The following STK32B variants were observed in gnomAD, a reference collection of about 807,000 sequenced individuals.
STK32B encodes the protein serine/threonine kinase 32B, also known as serine/threonine-protein kinase 32B.
Under a neutral mutation model 52.6 loss-of-function variants are expected in STK32B, and 43 were observed. That is an observed-to-expected ratio of 0.82 (90% CI 0.64 to 1.05). STK32B has a LOEUF of 1.05. STK32B is among the 50% of genes least tolerant of loss of function. The pLI is 0.00. For missense variants in STK32B, 621 were observed against 534.6 expected (o/e 1.16, Z -1.59); for synonymous variants, 238 against 204.3 (o/e 1.17, Z -1.41).
intron 9 of STK32B, among the ~76,000 whole-genome samples, chr4:5,466,453 C>A (rs1717439976): frequency 6.6e-6 from 1 of 151,968 alleles, no homozygotes; most frequent in Non-Finnish European, 1.5e-5. Flanking sequence ...TAGAAAGGGG[C>A]CTAAGGAAAT....
At chr4:5,212,732 T>C (rs1384838589) in intron 3 of STK32B, among the ~76,000 whole-genome samples, 7 of 152,248 alleles carry the variant, frequency 4.6e-5, no homozygotes, top group African/African-American at 1.7e-4. Context: ...TGACATTTTA[T>C]GTGCATTCAA....
At chr4:5,353,273 T>C (rs951184563) in intron 4 of STK32B, among the ~76,000 whole-genome samples, 7 of 152,072 alleles carry the variant, frequency 4.6e-5, no homozygotes, top group Non-Finnish European at 1.0e-4. Context: ...TAAAGACTTA[T>C]ATGTAAGACA....
At chr4:5,368,177 A>C (rs1577403332) in intron 4 of STK32B, among the ~76,000 whole-genome samples, 1 of 152,016 alleles carries the variant, frequency 6.6e-6, no homozygotes, top group East Asian at 2.0e-4. Flanking sequence ...CTCTACCCGG[A>C]GGTGTCCCAA....
At chr4:5,336,867 G>A (rs966079584) in intron 4 of STK32B, among the ~76,000 whole-genome samples, 1 of 152,208 alleles carries the variant, frequency 6.6e-6, no homozygotes, top group African/African-American at 2.4e-5. Flanking sequence ...CGGAGCAATG[G>A]CTAGAAACAG....
chr4:5,424,777 C>G (rs1222301764), intron 6 of STK32B, among the ~76,000 whole-genome samples: 2 of 112,024 alleles, frequency 1.8e-5, no homozygotes, highest in Non-Finnish European at 3.9e-5. Context: ...GTAACACAAA[C>G]AGGGCTGAAA....
At chr4:5,488,409 A>G (rs908594933) in intron 11 of STK32B, among the ~76,000 whole-genome samples, 7 of 152,206 alleles carry the variant, frequency 4.6e-5, no homozygotes, top group Admixed American at 6.5e-5. Flanking sequence ...GAGCAGATCA[A>G]TATTTCAAAA....
rs16837119 is a variant in STK32B, at chr4:5,395,704, A to G, written c.435-2503A>G. ...ATTCCACTCTGTGCTAAGAGCCAAC[A>G]CAGAAGCAATGTGTGTTATGTATCA... On this transcript the variant is annotated intron_variant, in intron 4 of 11. Transcript: ENST00000282908. The surrounding 1 kb of genome is among the most constrained non-coding windows in gnomAD (Gnocchi z 4.4). 0.023 allele frequency among the ~76,000 whole-genome samples: 3,525 copies of G among 152,326 alleles called. 110 individuals carry two copies. The highest frequency in any genetic ancestry group is 0.083 in the East Asian group (429 of 5,180).
chr4:5,134,625 T>TA (rs1243755641), intron 1 of STK32B, among the ~76,000 whole-genome samples: 1 of 152,244 alleles, frequency 6.6e-6, no homozygotes, highest in Non-Finnish European at 1.5e-5. Flanking sequence ...TTGTCTAATT[T>TA]TTAAATACTG....
the STK32B span, among the ~76,000 whole-genome samples, chr4:5,039,636 A>C: frequency 6.6e-6 from 1 of 152,260 alleles, no homozygotes; most frequent in African/African-American, 2.4e-5. Flanking sequence ...CTTTTAACAT[A>C]GTCATTTATT....
chr4:5,448,019 C>T (rs911582709), intron 7 of STK32B, among the ~76,000 whole-genome samples: 1 of 152,118 alleles, frequency 6.6e-6, no homozygotes, highest in Non-Finnish European at 1.5e-5. Flanking sequence ...TGTGGGTGTC[C>T]CATTGCATGG....
At chr4:5,440,432 T>G (rs2109107832) in intron 6 of STK32B, among the ~76,000 whole-genome samples, 1 of 152,264 alleles carries the variant, frequency 6.6e-6, no homozygotes, top group South Asian at 2.1e-4. Context: ...TAAGAATGCT[T>G]GTGATTTTTG....
intron 1 of STK32B, among the ~76,000 whole-genome samples, chr4:5,125,180 CCAA>C (rs1417115724): frequency 6.6e-6 from 1 of 150,750 alleles, no homozygotes; most frequent in Non-Finnish European, 1.5e-5. Flanking sequence ...CCCCAGATGT[CCAA>C]CAAGAGCAGC....
chr4:5,071,088 G>A (rs1711742041), intron 1 of STK32B, among the ~76,000 whole-genome samples: 2 of 152,176 alleles, frequency 1.3e-5, no homozygotes, highest in African/African-American at 4.8e-5. Context: ...ACAGGTTGCA[G>A]GTCCCTGAAG....
At chr4:5,240,309 C>T (rs1202960438) in intron 3 of STK32B, among the ~76,000 whole-genome samples, 2 of 151,746 alleles carry the variant, frequency 1.3e-5, no homozygotes, top group African/African-American at 4.8e-5. Context: ...GCTTTTTTCA[C>T]TTGTGTGTGT....
intron 9 of STK32B, among the ~76,000 whole-genome samples, chr4:5,461,927 C>T (rs922247827): frequency 6.6e-6 from 1 of 152,194 alleles, no homozygotes; most frequent in Non-Finnish European, 1.5e-5. Flanking sequence ...CTTCAGACAC[C>T]CCTCGGACTG....
At chr4:5,102,698 A>AT (rs201057520) in intron 1 of STK32B, among the ~76,000 whole-genome samples, 300 of 145,088 alleles carry the variant, frequency 2.1e-3, no homozygotes, top group African/African-American at 6.4e-3. Context: ...TACCTGGCTA[A>AT]TTTTTTTTTT....
intron 1 of STK32B, among the ~76,000 whole-genome samples, chr4:5,060,326 T>TTATTCA (rs1293175955): frequency 6.6e-6 from 1 of 152,212 alleles, no homozygotes; most frequent in African/African-American, 2.4e-5. Flanking sequence ...TATCCTCTTA[T>TTATTCA]TATCTTTTTC....
intron 3 of STK32B, among the ~76,000 whole-genome samples, chr4:5,211,380 C>T (rs888276925): frequency 6.7e-6 from 1 of 149,302 alleles, no homozygotes; most frequent in African/African-American, 2.5e-5. Context: ...GGATCTTGAG[C>T]TTCCTGGCAG....
intron 1 of STK32B, among the ~76,000 whole-genome samples, chr4:5,119,542 T>C (rs911995504): frequency 2.0e-5 from 3 of 152,238 alleles, no homozygotes; most frequent in Non-Finnish European, 4.4e-5. Flanking sequence ...TTTTTTCCTC[T>C]CAAATATTGT....
Sources: allele counts gnomAD v4.1 joint callset (sites outside exome capture counted in the v4.1 genomes callset), GRCh38; gene constraint gnomAD v4.1.1; non-coding constraint Gnocchi (gnomAD v3.1); transcripts MANE v1.5; gene names NCBI Gene and HGNC (gene_info 2026-07-23, HGNC 2026-07-21).